BAG1: variants seen among roughly 807,000 people sequenced by gnomAD.
BAG1 encodes BAG cochaperone 1.
Under a neutral mutation model 35.5 loss-of-function variants are expected in BAG1, and 35 were observed. The observed-to-expected ratio is 0.99, with a 90% CI of 0.75 to 1.31. The LOEUF is 1.31. Ranked by LOEUF, BAG1 falls within the 50% of genes most tolerant of loss-of-function variation. BAG1 has a pLI of 0.00. For missense variants in BAG1, 464 were observed against 453.6 expected (o/e 1.02, Z -0.21); for synonymous variants, 191 against 178.9 (o/e 1.07, Z -0.54).
Position 33,262,793 on chromosome 9 carries a change from C to T in BAG1, c.489G>A (p.Gln163=), listed in dbSNP as rs1215130599. 1.2e-6 allele frequency: 2 copies of T among 1,614,176 alleles called. No individual in the cohort carries two copies. Among genetic ancestry groups the T allele is most frequent in the Non-Finnish European group, 1.7e-6 (2 of 1,180,008 alleles). The stretch of plus-strand genomic sequence containing the variant: ...CTTGGACAACTGGTTCACTGCTGCC[C>T]TGCTGGGAGGTAACATGAAGGTCGT... Residue 163 remains glutamine (Q), a synonymous_variant, in exon 2 of 7, where the codon CAG becomes CAA. Coordinates refer to ENST00000634734, the MANE Select transcript of BAG1 (RefSeq NM_004323.6).
At chr9:33,258,298 CAAAAAAAAAAAAA>C (rs10591225) in intron 4 of BAG1, among the ~76,000 whole-genome samples, 2 of 63,348 alleles carry the variant, frequency 3.2e-5, no homozygotes, top group South Asian at 7.7e-4. Flanking sequence ...GACTCCATAT[CAAAAAAAAAAAAA>C]AAAAAAAAAA....
rs1315016733 is a variant in BAG1, at chr9:33,264,551, G to C, written c.124C>G (p.Pro42Ala). ...CGGGCAGGTGGACGCCCAGAGGGAG[G>C]CGGACCACGCTGGGCCGGGGGCTCC... Residue 42 changes from proline (P) to alanine (A), a missense_variant, in exon 1 of 7, where the codon CCT (proline) becomes GCT (alanine). Physicochemically the swap from Pro to Ala is conservative, Grantham distance 27. Coordinates refer to ENST00000634734, the MANE Select transcript of BAG1 (RefSeq NM_004323.6). 3 of 1,507,424 alleles carry C rather than the reference G, an allele frequency of 2.0e-6. No individual in the cohort carries two copies. The allele number at this position is 1,507,424 out of a possible 1,614,324, so 93.4% of individuals were successfully genotyped here. A position where few individuals can be genotyped will look rare whatever the true frequency, so the allele number is the denominator to read the frequency against.
rs754903807 is a variant in BAG1, at chr9:33,255,259, G to C, written c.998C>G (p.Thr333Ser). ...AAAGTTTGTAGACTGCAGCCGCTCA[G>C]TCTCCTGGCAGATGTTCTGCTCCAC... is the stretch of plus-strand genomic sequence containing the variant. Residue 333 changes from threonine (T) to serine (S), a missense_variant, in exon 7 of 7, where the codon ACT becomes AGT. Thr to Ser is a moderately conservative substitution (Grantham distance 58). Transcript: ENST00000634734. 1.2e-5 allele frequency: 19 copies of C among 1,614,102 alleles called. No individual in the cohort carries two copies. In the Admixed American group the frequency reaches 1.7e-4, roughly 14 times the overall value.
chr9:33,262,099 T>C (rs1282251305), intron 2 of BAG1: 11 of 1,287,132 alleles, frequency 8.5e-6, no homozygotes, highest in Non-Finnish European at 1.1e-5. Context: ...GGGAAGATGA[T>C]CTAACCTAGC....
chr9:33,256,805 G>C lies in BAG1; in HGVS notation c.881C>G (p.Thr294Arg). The change falls in exon 5 of 7, where the codon ACA becomes AGA. Residue 294 changes from threonine to arginine, a missense_variant. Transcript: ENST00000634734. The stretch of plus-strand genomic sequence containing the variant: ...CTCAGCTGAATATTTACTTACCAGT[G>C]TGTCAATCTCCTCCAAGATCTTCAT... 1 of 1,611,402 alleles carries C rather than the reference G, an allele frequency of 6.2e-7. No homozygotes were observed. Among genetic ancestry groups the C allele is most frequent in the South Asian group, 1.1e-5 (1 of 90,938 alleles).
intron 5 of BAG1, among the ~76,000 whole-genome samples, chr9:33,256,386 T>C (rs536937156): frequency 1.3e-5 from 2 of 152,340 alleles, no homozygotes; most frequent in South Asian, 2.1e-4. Flanking sequence ...GAGTTAATGA[T>C]TTTCAATGGC....
In BAG1 at chr9:33,264,463, C is replaced by G; in HGVS notation, c.212G>C (p.Arg71Pro). Residue 71 changes from arginine (R) to proline (P), a missense_variant, in exon 1 of 7, where the codon CGG (arginine) becomes CCG (proline). By Grantham distance (103) the Arg-to-Pro change is moderately radical. Coordinates refer to ENST00000634734, the MANE Select transcript of BAG1 (RefSeq NM_004323.6). ...GCGGCGCCGGGTTTTCTTCTTCATC[C>G]GCGGCCTGCGAGCGCCGGCGGCGGC... 6.2e-7 allele frequency: 1 copy of G among 1,613,200 alleles called. No individual in the cohort carries two copies. The highest frequency in any genetic ancestry group is 8.5e-7 in the Non-Finnish European group (1 of 1,179,736).
chr9:33,261,275 G>T, intron 2 of BAG1, 106 bp from the exon 3 acceptor site: 1 of 753,680 alleles, frequency 1.3e-6, no homozygotes, highest in Non-Finnish European at 2.1e-6. Flanking sequence ...AATGAGAACT[G>T]GTATCTTTTT....
Position 33,256,057 on chromosome 9 carries a change from G to A in BAG1, c.886-130C>T. ...ACAAAACAGGTCACAGGTCACCAAT[G>A]TAAATGTGATATCCATTTTCAGGAA... On this transcript the variant is annotated intron_variant, in intron 5 of 6. Transcript: ENST00000634734. The A allele has an allele frequency of 5.0e-6, 4 of 802,844 alleles. No homozygotes were observed. In the South Asian group the frequency reaches 6.1e-5, roughly 12 times the overall value. The allele number at this position is 802,844 out of a possible 1,614,324, so 49.7% of individuals were successfully genotyped here. A position where few individuals can be genotyped will look rare whatever the true frequency, so the allele number is the denominator to read the frequency against.
chr9:33,264,068 A>C, intron 1 of BAG1, 156 bp downstream of exon 1: 3 of 893,428 alleles, frequency 3.4e-6, no homozygotes, highest in Non-Finnish European at 5.0e-6. Flanking sequence ...CAAGCCCGGG[A>C]CAAAAGACAG....
chr9:33,262,699 T>G lies in BAG1; in HGVS notation c.580+3A>C, dbSNP rs760102841. 1 of 1,577,914 alleles carries G rather than the reference T, an allele frequency of 6.3e-7. No individual in the cohort carries two copies. Among genetic ancestry groups the G allele is most frequent in the Admixed American group, 2.0e-5 (1 of 48,976 alleles). On this transcript the variant is annotated splice_donor_region_variant and intron_variant, in intron 2 of 6. Transcript: ENST00000634734. The stretch of plus-strand genomic sequence containing the variant: ...AAAGAAAGAAAGAAAAAGAAATGCT[T>G]ACCCTTAAATATGAGTTTCTGAAAA...
chr9:33,261,807 G>A (rs537194453), intron 2 of BAG1: 2 of 875,578 alleles, frequency 2.3e-6, no homozygotes, highest in South Asian at 1.0e-4. Context: ...TCAGGGGGGT[G>A]GGAAGACAGA....
intron 6 of BAG1, among the ~76,000 whole-genome samples, chr9:33,255,549 T>G (rs1361361274): frequency 6.6e-6 from 1 of 152,236 alleles, no homozygotes; most frequent in African/African-American, 2.4e-5. Context: ...GCAGGGAGCT[T>G]TGCCTCAGGG....
At chr9:33,261,031 T>C in intron 3 of BAG1, 56 bp downstream of exon 3, 1 of 1,459,502 alleles carries the variant, frequency 6.9e-7, no homozygotes, top group Non-Finnish European at 9.4e-7. Flanking sequence ...CAGAAACATG[T>C]ATAAAAGACT....
At position 33,255,226 on chromosome 9, in the gene BAG1, G is replaced by C; in HGVS notation, c.1031C>G (p.Ala344Gly). The C allele has an allele frequency of 6.2e-7, 1 of 1,614,190 alleles. No individual in the cohort carries two copies. Among genetic ancestry groups the C allele is most frequent in the Non-Finnish European group, 8.5e-7 (1 of 1,180,034 alleles). The stretch of plus-strand genomic sequence containing the variant: ...GCCTTTTTCTGCTACACCTCACTCG[G>C]CCAGGGCAAAGTTTGTAGACTGCAG... The change falls in exon 7 of 7, where the codon GCC becomes GGC. Residue 344 changes from alanine to glycine, a missense_variant. Coordinates refer to ENST00000634734, the MANE Select transcript of BAG1 (RefSeq NM_004323.6).
intron 3 of BAG1, 125 bp from the exon 4 acceptor site, chr9:33,259,158 C>A (rs1369288936): frequency 4.6e-6 from 3 of 654,852 alleles, no homozygotes; most frequent in Non-Finnish European, 7.7e-6. Flanking sequence ...GTCAGGAGTT[C>A]AAGACCAGCC....
rs2117912137 is a variant in BAG1 at position 33,253,865 on chromosome 9, G to C, written c.*1354C>G. On this transcript the variant is annotated 3_prime_UTR_variant, in exon 7 of 7. Coordinates refer to ENST00000634734, the MANE Select transcript of BAG1 (RefSeq NM_004323.6). Reference sequence around the variant, plus strand: ...TACTTTTACTTACTTAAATTTTAGAGATGGGGTCTTGCTATGTTGCCCAGA... The same window carrying C: ...TACTTTTACTTACTTAAATTTTAGACATGGGGTCTTGCTATGTTGCCCAGA... 6.6e-6 allele frequency: 1 copy of C among 151,316 alleles called. No individual in the cohort carries two copies. The highest frequency in any genetic ancestry group is 1.9e-4 in the East Asian group (1 of 5,158). The allele number at this position is 151,316 out of a possible 1,614,324, so 9.4% of individuals were successfully genotyped here.
rs59088018 is a variant in BAG1, at chr9:33,256,026, C to A, written c.886-99G>T. The A allele has an allele frequency of 0.017, 18,811 of 1,124,334 alleles. 1,484 individuals are homozygous for A. The African/African-American group carries it at 0.2, about 12-fold the overall frequency. 69.6% of individuals were successfully genotyped at this position (1,124,334 alleles called of 1,614,324 possible). ...CATGAGAGCACATAAGAAACACCCA[C>A]AGTACACAAAACAGGTCACAGGTCA... On this transcript the variant is annotated intron_variant, in intron 5 of 6. Transcript: ENST00000634734.
chr9:33,264,633 C>G lies in BAG1; in HGVS notation c.42G>C (p.Arg14=), dbSNP rs1490854377. 1.5e-6 allele frequency: 2 copies of G among 1,348,712 alleles called. No homozygotes were observed. Among genetic ancestry groups the G allele is most frequent in the Non-Finnish European group, 1.9e-6 (2 of 1,058,870 alleles). The allele number at this position is 1,348,712 out of a possible 1,614,324, so 83.5% of individuals were successfully genotyped here. A position where few individuals can be genotyped will look rare whatever the true frequency, so the allele number is the denominator to read the frequency against. The change falls in exon 1 of 7, where the codon CGG becomes CGC. Residue 14 remains arginine (R), a synonymous_variant. Coordinates refer to ENST00000634734, the MANE Select transcript of BAG1 (RefSeq NM_004323.6). ...CGCGCAGCCGGGAACCCAGCCGCTCCCGGTCGCCTCGCGGTCTCCGCGCCC... is the reference window on the plus strand; with the variant it reads ...CGCGCAGCCGGGAACCCAGCCGCTCGCGGTCGCCTCGCGGTCTCCGCGCCC...
Sources: allele counts gnomAD v4.1 joint callset (sites outside exome capture counted in the v4.1 genomes callset), GRCh38; gene constraint gnomAD v4.1.1; transcripts MANE v1.5; gene names NCBI Gene and HGNC (gene_info 2026-07-23, HGNC 2026-07-21).